Variants in SUCLG2 observed in about 807,000 individuals in gnomAD.
The protein encoded by SUCLG2 is succinate--CoA ligase [GDP-forming] subunit beta, mitochondrial.
SUCLG2 carries 42 observed loss-of-function variants against 47.9 expected under a neutral mutation model. The ratio of observed to expected loss-of-function variants is 0.88; its 90% confidence interval spans 0.69 to 1.14. The LOEUF is 1.14. SUCLG2 is among the 50% of genes most tolerant of loss of function. The pLI, the probability that SUCLG2 is intolerant of heterozygous loss-of-function variation, is 0.00. For synonymous variants in SUCLG2, 195 were observed against 197.3 expected (o/e 0.99, Z 0.10); for missense variants, 571 against 525.9 (o/e 1.09, Z -0.84).
intron 9 of SUCLG2, among the ~76,000 whole-genome samples, chr3:67,432,912 G>T (rs767268179): frequency 1.3e-5 from 2 of 152,150 alleles, no homozygotes; most frequent in South Asian, 2.1e-4. Flanking sequence ...ATTTTAAAAC[G>T]AAGAGGAACT....
intron 2 of SUCLG2, among the ~76,000 whole-genome samples, chr3:67,606,745 T>A (rs1040033718): frequency 2.0e-5 from 3 of 152,230 alleles, no homozygotes; most frequent in Non-Finnish European, 4.4e-5. Flanking sequence ...CACTTCAATT[T>A]CTACATTTAA....
chr3:67,642,611 T>C (rs1278374378), intron 1 of SUCLG2, among the ~76,000 whole-genome samples: 2 of 152,114 alleles, frequency 1.3e-5, no homozygotes, highest in Admixed American at 6.5e-5. Context: ...CAAGACCCCA[T>C]CTCTACATAA....
intron 2 of SUCLG2, among the ~76,000 whole-genome samples, chr3:67,557,892 C>T (rs937809680): frequency 3.3e-5 from 5 of 152,156 alleles, no homozygotes; most frequent in Non-Finnish European, 7.4e-5. Context: ...CTTAGGCTTG[C>T]AGAACACTAG....
rs1705995046 is a variant in SUCLG2, at chr3:67,518,071, C to A, written c.660+176G>T. 2.0e-5 allele frequency among the ~76,000 whole-genome samples: 3 copies of A among 152,166 alleles called. No individual in the cohort carries two copies. The South Asian group carries it at 6.2e-4, about 31-fold the overall frequency. On this transcript the variant is annotated intron_variant, in intron 6 of 10. Transcript: ENST00000307227. ...ACATTCAAAGACACATCATAAACAT[C>A]CTCTTTTAAAACATCAGGGAAATAT...
At chr3:67,432,761 C>G (rs1163898419) in intron 9 of SUCLG2, among the ~76,000 whole-genome samples, 1 of 152,194 alleles carries the variant, frequency 6.6e-6, no homozygotes, top group Non-Finnish European at 1.5e-5. Context: ...GTTCTTCTAT[C>G]AGAATATAGA....
chr3:67,634,815 G>C (rs1700981547), intron 1 of SUCLG2, among the ~76,000 whole-genome samples: 1 of 152,180 alleles, frequency 6.6e-6, no homozygotes, highest in African/African-American at 2.4e-5. Context: ...ACTCAGTGCA[G>C]ACAATACCTG....
rs531658695 is a variant in SUCLG2, at chr3:67,635,768, C to T, written c.84+18735G>A. ...CCACCATTGCACCCTGTCATCAAGA[C>T]CAAAAAGCTGGAAGTAAAAGCTGGA... On this transcript the variant is annotated intron_variant, in intron 1 of 10. Coordinates refer to ENST00000307227, the MANE Select transcript of SUCLG2 (RefSeq NM_003848.4). Among the ~76,000 whole-genome samples the T allele has an allele frequency of 5.3e-4, 80 of 152,242 alleles. 1 individual carries two copies. Among genetic ancestry groups the T allele is most frequent in the Admixed American group, 4.8e-3 (74 of 15,288 alleles).
chr3:67,430,335 T>C (rs1271909752), intron 9 of SUCLG2, among the ~76,000 whole-genome samples: 2 of 152,148 alleles, frequency 1.3e-5, no homozygotes, highest in South Asian at 2.1e-4. Context: ...CTGAACAACC[T>C]GCTCCTGAGT....
intron 1 of SUCLG2, among the ~76,000 whole-genome samples, chr3:67,643,707 G>A (rs1701142860): frequency 6.6e-6 from 1 of 152,138 alleles, no homozygotes; most frequent in African/African-American, 2.4e-5. Context: ...GTTCCTTAAA[G>A]GCAGCAACTG....
intron 9 of SUCLG2, among the ~76,000 whole-genome samples, chr3:67,404,400 A>G (rs946366006): frequency 6.6e-6 from 1 of 151,752 alleles, no homozygotes; most frequent in African/African-American, 2.4e-5. Flanking sequence ...AGAGAACACA[A>G]AAGAATAAGA....
intron 2 of SUCLG2, among the ~76,000 whole-genome samples, chr3:67,595,176 TGG>T (rs10576047): frequency 0.38 from 57,391 of 151,852 alleles, 11,095 homozygotes; most frequent in Non-Finnish European, 0.41. Context: ...ATTCACTTCT[TGG>T]CAGGGACTTC....
At chr3:67,506,707 A>C (rs142384955) in intron 7 of SUCLG2, among the ~76,000 whole-genome samples, 1,605 of 152,336 alleles carry the variant, frequency 0.011, 17 homozygotes, top group Middle Eastern at 0.065. Context: ...CATGCAAAGC[A>C]ACCAGGCTGC....
At chr3:67,411,499 G>A (rs1702932455) in intron 9 of SUCLG2, among the ~76,000 whole-genome samples, 1 of 152,020 alleles carries the variant, frequency 6.6e-6, no homozygotes, top group Non-Finnish European at 1.5e-5. Flanking sequence ...ATATCTGGCT[G>A]GAAAGAGTAA....
At position 67,609,107 on chromosome 3, in the gene SUCLG2, G is replaced by A. The variant is rs139462693; in HGVS notation, c.226+348C>T. ...GGGCCCAGTCTAGAGGAAACCTCTA[G>A]GTGTGCCAGGGAAGAAAGGCTCTAT... is the stretch of plus-strand genomic sequence containing the variant. On this transcript the variant is annotated intron_variant, in intron 2 of 10. Transcript: ENST00000307227. 1.4e-3 allele frequency among the ~76,000 whole-genome samples: 207 copies of A among 152,318 alleles called. 2 individuals carry two copies. In the East Asian group the frequency reaches 0.025, roughly 18 times the overall value.
At chr3:67,447,724 C>G (rs1260186987) in intron 9 of SUCLG2, among the ~76,000 whole-genome samples, 1 of 152,124 alleles carries the variant, frequency 6.6e-6, no homozygotes, top group Non-Finnish European at 1.5e-5. Context: ...TTTATTGAGA[C>G]AATTATTAAT....
At chr3:67,431,249 T>C (rs1256264781) in intron 9 of SUCLG2, among the ~76,000 whole-genome samples, 9 of 152,158 alleles carry the variant, frequency 5.9e-5, no homozygotes, top group African/African-American at 9.7e-5. Context: ...AAAAAGTTTA[T>C]CCACCAAGAT....
intron 5 of SUCLG2, among the ~76,000 whole-genome samples, chr3:67,519,135 AGGTTTTCTCTGGGTCCCCC>A (rs1412999562): frequency 6.6e-6 from 1 of 151,846 alleles, no homozygotes; most frequent in Non-Finnish European, 1.5e-5. Context: ...TTGTCTGAGT[AGGTTTTCTCTGGGTCCCCC>A]GGTTTTCTCC....
intron 2 of SUCLG2, among the ~76,000 whole-genome samples, chr3:67,543,698 T>C (rs1706781578): frequency 6.6e-6 from 1 of 152,068 alleles, no homozygotes; most frequent in Admixed American, 6.6e-5. Flanking sequence ...ACAACCAAAC[T>C]ATTAACTGAG....
intron 10 of SUCLG2, among the ~76,000 whole-genome samples, chr3:67,386,394 T>A (rs1197589094): frequency 6.6e-6 from 1 of 152,064 alleles, no homozygotes; most frequent in Non-Finnish European, 1.5e-5. Flanking sequence ...GTACACTTCA[T>A]CAACAAACTC....
Sources: allele counts gnomAD v4.1 joint callset (sites outside exome capture counted in the v4.1 genomes callset), GRCh38; gene constraint gnomAD v4.1.1; transcripts MANE v1.5; gene names NCBI Gene and HGNC (gene_info 2026-07-23, HGNC 2026-07-21).